The following ATF2 variants were observed in gnomAD, a reference collection of about 807,000 sequenced individuals.
ATF2 encodes the protein cyclic AMP-dependent transcription factor ATF-2.
A neutral mutation model predicts 60.6 loss-of-function variants in ATF2; 24 were observed. The ratio of observed to expected loss-of-function variants is 0.40; its 90% confidence interval spans 0.29 to 0.56. ATF2 has a LOEUF of 0.56. Among genes scored for constraint, ATF2 ranks in the 20% least tolerant of loss-of-function variants. The pLI, the probability that ATF2 is intolerant of heterozygous loss-of-function variation, is 0.54. For synonymous variants in ATF2, 206 were observed against 215.4 expected, an observed-to-expected ratio of 0.96 and a Z score of 0.38; for missense variants, 433 against 607.7, an observed-to-expected ratio of 0.71 and a Z score of 3.02.
chr2:175,119,253 C>T (rs549325385), intron 5 of ATF2, among the ~76,000 whole-genome samples: 32 of 151,702 alleles, frequency 2.1e-4, no homozygotes, highest in Non-Finnish European at 3.5e-4. Context: ...GAGTTGGTAG[C>T]ACATTCAAAT....
At chr2:175,094,497 T>C (rs889987733) in intron 11 of ATF2, among the ~76,000 whole-genome samples, 1 of 138,784 alleles carries the variant, frequency 7.2e-6, no homozygotes, top group Non-Finnish European at 1.5e-5. Context: ...AGGCACACAA[T>C]CCAAAGGAGA....
At chr2:175,096,239 G>C (rs1005568795) in intron 11 of ATF2, among the ~76,000 whole-genome samples, 4 of 152,150 alleles carry the variant, frequency 2.6e-5, no homozygotes, top group African/African-American at 7.2e-5. Flanking sequence ...GAAAGAATTA[G>C]AAAAGCACTG....
intron 10 of ATF2, among the ~76,000 whole-genome samples, chr2:175,099,861 G>C (rs77839117): frequency 0.04 from 6,095 of 152,226 alleles, 398 homozygotes; most frequent in African/African-American, 0.14. Flanking sequence ...TATCCTTGGT[G>C]CTACCAGAAA....
chr2:175,113,374 C>T (rs1305411582), intron 9 of ATF2, among the ~76,000 whole-genome samples: 2 of 151,862 alleles, frequency 1.3e-5, no homozygotes, highest in Admixed American at 6.6e-5. Context: ...CTACCTCAGC[C>T]GCCCAATACG....
chr2:175,083,736 A>G (rs1338405661), intron 12 of ATF2, among the ~76,000 whole-genome samples: 1 of 152,146 alleles, frequency 6.6e-6, no homozygotes, highest in East Asian at 1.9e-4. Flanking sequence ...AATTTTCGCA[A>G]CCTACTTATC....
rs1696378236 is a variant in ATF2 at position 175,113,981 on chromosome 2, C to T, written c.741+13G>A. 6 of 1,589,740 alleles carry T rather than the reference C, an allele frequency of 3.8e-6. No homozygotes were observed. Among genetic ancestry groups the T allele is most frequent in the Non-Finnish European group, 5.2e-6 (6 of 1,161,796 alleles). ...GTTTTGCGATAGAGATTTAAATAGTCTAACTTTCTTACTGGGACTGCAGCT... is the reference window on the plus strand; with the variant it reads ...GTTTTGCGATAGAGATTTAAATAGTTTAACTTTCTTACTGGGACTGCAGCT... On this transcript the variant is annotated intron_variant, in intron 9 of 13. Transcript: ENST00000264110.
chr2:175,135,999 TTTTC>T (rs1201028020), intron 3 of ATF2, among the ~76,000 whole-genome samples: 7 of 150,396 alleles, frequency 4.7e-5, no homozygotes, highest in South Asian at 2.1e-4. Flanking sequence ...TAAAATATAC[TTTTC>T]TTTCTTTCTT....
chr2:175,104,469 G>A (rs370120243), intron 10 of ATF2, among the ~76,000 whole-genome samples: 1 of 151,958 alleles, frequency 6.6e-6, no homozygotes, highest in Non-Finnish European at 1.5e-5. Flanking sequence ...TGGCAGGGTG[G>A]GGGGGGCGGT....
At chr2:175,166,170 T>C (rs1014037559) in intron 1 of ATF2, among the ~76,000 whole-genome samples, 1 of 152,212 alleles carries the variant, frequency 6.6e-6, no homozygotes, top group African/African-American at 2.4e-5. Context: ...AAAAAGTCCC[T>C]GAAAGCTCCT....
intron 3 of ATF2, among the ~76,000 whole-genome samples, chr2:175,131,860 A>C (rs1196450958): frequency 6.6e-6 from 1 of 152,240 alleles, no homozygotes; most frequent in Non-Finnish European, 1.5e-5. Flanking sequence ...CCACATCAGA[A>C]ATTAAAACTG....
chr2:175,113,340 A>C (rs1023668315), intron 9 of ATF2, among the ~76,000 whole-genome samples: 2 of 151,938 alleles, frequency 1.3e-5, no homozygotes, highest in Admixed American at 6.5e-5. Flanking sequence ...TGCAGTCTCA[A>C]ACGCCTGGGC....
intron 12 of ATF2, among the ~76,000 whole-genome samples, chr2:175,086,631 A>T (rs761301932): frequency 1.3e-5 from 2 of 151,894 alleles, no homozygotes; most frequent in African/African-American, 4.8e-5. Flanking sequence ...CTGGTCTTGA[A>T]CTCCCAGCCT....
At chr2:175,101,735 C>T (rs1022861738) in intron 10 of ATF2, among the ~76,000 whole-genome samples, 6 of 152,148 alleles carry the variant, frequency 3.9e-5, no homozygotes, top group Admixed American at 2.0e-4. Context: ...CATTATCCTT[C>T]CTTGACTGCC....
chr2:175,147,378 G>A (rs557443385), intron 2 of ATF2, among the ~76,000 whole-genome samples: 2 of 152,234 alleles, frequency 1.3e-5, no homozygotes, highest in Non-Finnish European at 1.5e-5. Context: ...AAATGGGAGG[G>A]AGCAAACACA....
At chr2:175,146,681 T>C (rs2105799732) in intron 2 of ATF2, among the ~76,000 whole-genome samples, 1 of 152,332 alleles carries the variant, frequency 6.6e-6, no homozygotes, top group East Asian at 1.9e-4. Context: ...TTAAACTGTG[T>C]ACTGTTTTAA....
chr2:175,153,402 G>GAT (rs1161281720), intron 1 of ATF2, among the ~76,000 whole-genome samples: 1 of 152,186 alleles, frequency 6.6e-6, no homozygotes, highest in Non-Finnish European at 1.5e-5. Flanking sequence ...AAACCTTGAT[G>GAT]ATATAGCCTA....
In ATF2 at chr2:175,081,535, C is replaced by T. The variant is rs151048071; in HGVS notation, c.1186-770G>A. ...AAACACGTAAGTCAGTGATCATTAC[C>T]AATACTCAAGAGTTAGAAATAATAT... On this transcript the variant is annotated intron_variant, in intron 12 of 13. Coordinates refer to ENST00000264110, the MANE Select transcript of ATF2 (RefSeq NM_001880.4). 2.5e-3 allele frequency among the ~76,000 whole-genome samples: 375 copies of T among 152,174 alleles called. 2 individuals are homozygous for T. Among genetic ancestry groups the T allele is most frequent in the African/African-American group, 7.9e-3 (327 of 41,516 alleles).
At chr2:175,134,490 A>T (rs1406151864) in intron 3 of ATF2, among the ~76,000 whole-genome samples, 1 of 151,922 alleles carries the variant, frequency 6.6e-6, no homozygotes, top group African/African-American at 2.4e-5. Flanking sequence ...CTTGACAGAC[A>T]AGTCATACAA....
intron 9 of ATF2, among the ~76,000 whole-genome samples, chr2:175,113,473 A>G (rs1156607621): frequency 6.6e-6 from 1 of 152,104 alleles, no homozygotes; most frequent in Non-Finnish European, 1.5e-5. Flanking sequence ...TACGTCTTTC[A>G]AAATTTATAT....
Sources: allele counts gnomAD v4.1 joint callset (sites outside exome capture counted in the v4.1 genomes callset), GRCh38; gene constraint gnomAD v4.1.1; transcripts MANE v1.5; gene names NCBI Gene and HGNC (gene_info 2026-07-23, HGNC 2026-07-21).